The following NKAIN2 variants were observed in gnomAD, a reference collection of about 807,000 sequenced individuals.
The protein encoded by NKAIN2 is sodium/potassium transporting ATPase interacting 2, also known as sodium/potassium-transporting ATPase subunit beta-1-interacting protein 2.
Under a neutral mutation model 32.6 loss-of-function variants are expected in NKAIN2, and 14 were observed. The observed-to-expected ratio is 0.43, with a 90% CI of 0.28 to 0.67. The LOEUF is 0.67. Ranked by LOEUF, NKAIN2 falls within the 30% of genes least tolerant of loss-of-function variation. The pLI, the probability that NKAIN2 is intolerant of heterozygous loss-of-function variation, is 0.17. For synonymous variants in NKAIN2, 80 were observed against 87.2 expected (o/e 0.92, Z 0.46); for missense variants, 198 against 258.3 (o/e 0.77, Z 1.60).
At chr6:124,506,713 A>AG (rs1482131528) in intron 3 of NKAIN2, among the ~76,000 whole-genome samples, 1 of 152,140 alleles carries the variant, frequency 6.6e-6, no homozygotes, top group East Asian at 1.9e-4. Context: ...TCACTTAGGA[A>AG]GAAAAAAAAA....
chr6:124,080,764 G>A (rs1333428510), intron 1 of NKAIN2, among the ~76,000 whole-genome samples: 1 of 152,026 alleles, frequency 6.6e-6, no homozygotes, highest in South Asian at 2.1e-4. Context: ...CTTTATAGAA[G>A]GCCTTTTATA....
chr6:124,777,017 C>G (rs1779010205), intron 4 of NKAIN2, among the ~76,000 whole-genome samples: 1 of 152,004 alleles, frequency 6.6e-6, no homozygotes, highest in African/African-American at 2.4e-5. Context: ...TTGGTTTCAA[C>G]CTAAAATTTT....
At chr6:124,345,750 G>C (rs4628117) in intron 2 of NKAIN2, among the ~76,000 whole-genome samples, 2,264 of 151,640 alleles carry the variant, frequency 0.015, 31 homozygotes, top group Non-Finnish European at 0.023. Context: ...TCTTGCTAGC[G>C]GTCTATCAAT....
Position 124,716,321 on chromosome 6 carries a change from A to G in NKAIN2, c.474+57935A>G, listed in dbSNP as rs183721082. Among the ~76,000 whole-genome samples, 17 of 152,322 alleles carry G rather than the reference A, an allele frequency of 1.1e-4. No individual in the cohort carries two copies. In the East Asian group the frequency reaches 2.7e-3, roughly 24 times the overall value. The stretch of plus-strand genomic sequence containing the variant: ...CAAACAAGTTTTTTATCTGCCCTCT[A>G]TGGGAACACCCATGGAATCTGAAGA... On this transcript the variant is annotated intron_variant, in intron 4 of 6. Coordinates refer to ENST00000368417, the MANE Select transcript of NKAIN2 (RefSeq NM_001040214.3).
chr6:124,340,369 C>T (rs867260155), intron 2 of NKAIN2, among the ~76,000 whole-genome samples: 1 of 151,952 alleles, frequency 6.6e-6, no homozygotes, highest in Non-Finnish European at 1.5e-5. Flanking sequence ...CATCCCTAGG[C>T]CTTTTCTTTT....
At chr6:123,921,862 C>T (rs767868134) in intron 1 of NKAIN2, among the ~76,000 whole-genome samples, 8 of 151,406 alleles carry the variant, frequency 5.3e-5, no homozygotes, top group South Asian at 2.1e-4. Flanking sequence ...ACCAAGGAGG[C>T]GGAGCTTGCA....
intron 4 of NKAIN2, among the ~76,000 whole-genome samples, chr6:124,665,501 G>A (rs537014075): frequency 3.0e-4 from 46 of 152,308 alleles, no homozygotes; most frequent in African/African-American, 1.1e-3. Flanking sequence ...TAAGTCAGTA[G>A]TTCTCTATAC....
At chr6:124,059,569 T>A (rs1782828140) in intron 1 of NKAIN2, among the ~76,000 whole-genome samples, 1 of 152,164 alleles carries the variant, frequency 6.6e-6, no homozygotes, top group Non-Finnish European at 1.5e-5. Context: ...GTGTGCATAG[T>A]GCCTACTACA....
chr6:123,869,647 C>A (rs1472556858), intron 1 of NKAIN2, among the ~76,000 whole-genome samples: 1 of 152,140 alleles, frequency 6.6e-6, no homozygotes, highest in Non-Finnish European at 1.5e-5. Flanking sequence ...CTGTAAATAG[C>A]AGTGCTTTCT....
chr6:124,134,868 GA>G (rs368182945), intron 1 of NKAIN2, among the ~76,000 whole-genome samples: 5 of 152,056 alleles, frequency 3.3e-5, no homozygotes, highest in Admixed American at 6.5e-5. Context: ...CAAGATGAAG[GA>G]AAAAAATCTT....
chr6:123,804,700 A>G (rs1417100196), intron 1 of NKAIN2, among the ~76,000 whole-genome samples: 1 of 151,792 alleles, frequency 6.6e-6, no homozygotes, highest in African/African-American at 2.4e-5. Flanking sequence ...TTCTTTTTTT[A>G]AGGAAAATGT....
At chr6:123,993,104 A>G (rs988283630) in intron 1 of NKAIN2, among the ~76,000 whole-genome samples, 4 of 152,198 alleles carry the variant, frequency 2.6e-5, no homozygotes, top group African/African-American at 9.6e-5. Flanking sequence ...CAACCTTAGC[A>G]TACTCTATGG....
intron 4 of NKAIN2, among the ~76,000 whole-genome samples, chr6:124,749,376 C>T (rs1487529818): frequency 6.6e-6 from 1 of 151,932 alleles, no homozygotes; most frequent in Non-Finnish European, 1.5e-5. Flanking sequence ...TTAGCTATGT[C>T]ATGTAACAGG....
intron 4 of NKAIN2, among the ~76,000 whole-genome samples, chr6:124,671,510 A>G (rs1475468989): frequency 6.6e-6 from 1 of 152,060 alleles, no homozygotes; most frequent in Non-Finnish European, 1.5e-5. Context: ...CTTCTCATCT[A>G]TAGCTTTCCT....
chr6:124,553,537 C>T (rs964150389), intron 3 of NKAIN2, among the ~76,000 whole-genome samples: 10 of 152,090 alleles, frequency 6.6e-5, no homozygotes, highest in Non-Finnish European at 1.5e-4. Flanking sequence ...CAACTCCCGA[C>T]CTCAGATGAT....
At chr6:124,762,101 A>C (rs1189114939) in intron 4 of NKAIN2, among the ~76,000 whole-genome samples, 2 of 152,164 alleles carry the variant, frequency 1.3e-5, no homozygotes, top group Non-Finnish European at 2.9e-5. Flanking sequence ...AAAATACCAC[A>C]AACTAGGTGG....
chr6:124,465,531 A>G (rs1168810168), intron 3 of NKAIN2, among the ~76,000 whole-genome samples: 1 of 151,772 alleles, frequency 6.6e-6, no homozygotes, highest in Non-Finnish European at 1.5e-5. Context: ...CCTAATGTAG[A>G]TGACAGGTTG....
At chr6:123,990,766 A>C (rs1379648377) in intron 1 of NKAIN2, among the ~76,000 whole-genome samples, 1 of 152,204 alleles carries the variant, frequency 6.6e-6, no homozygotes, top group Non-Finnish European at 1.5e-5. Flanking sequence ...TCTAATTTTC[A>C]TGTAATCAGA....
At chr6:123,926,458 CGTTCCCCAGATTGCTGCTGCAGT>C (rs1257839932) in intron 1 of NKAIN2, among the ~76,000 whole-genome samples, 2 of 150,804 alleles carry the variant, frequency 1.3e-5, no homozygotes, top group African/African-American at 4.9e-5. Flanking sequence ...CCCACTGCTC[CGTTCCCCAGATTGCTGCTGCAGT>C]GTTCCCCAGA....
Sources: gnomAD v4.1 joint callset for allele counts (sites outside exome capture counted in the v4.1 genomes callset) on GRCh38, gnomAD v4.1.1 for gene constraint, MANE v1.5 for transcripts, NCBI Gene and HGNC (gene_info 2026-07-23, HGNC 2026-07-21) for gene names.